Variants in RIMS1 observed in about 807,000 individuals in gnomAD.
RIMS1 encodes the protein regulating synaptic membrane exocytosis 1, also known as regulating synaptic membrane exocytosis protein 1.
RIMS1 carries 83 observed loss-of-function variants against 214.1 expected under a neutral mutation model. The ratio of observed to expected loss-of-function variants is 0.39; its 90% CI spans 0.32 to 0.47. The LOEUF (loss-of-function observed/expected upper bound fraction) is 0.47, where lower values mean the gene tolerates loss of function less well. RIMS1 is among the 20% of genes least tolerant of loss of function. The pLI, the probability that RIMS1 is intolerant of heterozygous loss-of-function variation, is 0.99. For missense variants in RIMS1, 2,050 were observed against 2,161.8 expected (o/e 0.95, Z 1.03); for synonymous variants, 793 against 786.8 (o/e 1.01, Z -0.13).
intron 2 of RIMS1, among the ~76,000 whole-genome samples, chr6:71,972,797 A>G (rs1327766388): frequency 1.3e-5 from 2 of 152,234 alleles, no homozygotes; most frequent in African/African-American, 4.8e-5. Flanking sequence ...CAAATAAATT[A>G]TAATACTGAA....
chr6:72,191,811 T>C (rs147729896), intron 6 of RIMS1, among the ~76,000 whole-genome samples: 91 of 152,330 alleles, frequency 6.0e-4, no homozygotes, highest in Middle Eastern at 3.4e-3. Context: ...TAATTCACTG[T>C]CGTTCTCCAA....
At chr6:72,356,225 C>T (rs1245452671) in intron 29 of RIMS1, among the ~76,000 whole-genome samples, 1 of 151,918 alleles carries the variant, frequency 6.6e-6, no homozygotes, top group Non-Finnish European at 1.5e-5. Context: ...TACTTTAACT[C>T]CAAATCACTA....
At chr6:72,156,165 A>C in intron 4 of RIMS1, 1 of 234,696 alleles carries the variant, frequency 4.3e-6, no homozygotes, top group Non-Finnish European at 9.1e-6. Context: ...AGATATCTGC[A>C]CTTCCATGTT....
chr6:72,014,097 T>C lies in RIMS1; in HGVS notation c.245+45034T>C, dbSNP rs567256331. Among the ~76,000 whole-genome samples the C allele has an allele frequency of 3.3e-5, 5 of 152,342 alleles. No individual in the cohort carries two copies. In the East Asian group the frequency reaches 9.6e-4, roughly 29 times the overall value. On this transcript the variant is annotated intron_variant, in intron 2 of 33. Transcript: ENST00000521978. ...ATAAAGCAAAGAGGTTTGATTGACT[T>C]ACAGTTCAGCATGGCTGGGGAGGCC...
chr6:72,175,735 C>A (rs2047618120), intron 4 of RIMS1, among the ~76,000 whole-genome samples: 1 of 151,732 alleles, frequency 6.6e-6, no homozygotes, highest in African/African-American at 2.4e-5. Context: ...GTAATATCAT[C>A]AAGAATAAAT....
At chr6:72,290,976 C>T (rs2093306623) in intron 25 of RIMS1, 115 bp downstream of exon 25, 1 of 892,938 alleles carries the variant, frequency 1.1e-6, no homozygotes, top group African/African-American at 1.7e-5. Flanking sequence ...AACTTTTAAT[C>T]CTTTCTTTGT....
chr6:72,123,734 C>G (rs999293330), intron 4 of RIMS1, among the ~76,000 whole-genome samples: 3 of 151,824 alleles, frequency 2.0e-5, no homozygotes, highest in African/African-American at 7.2e-5. Flanking sequence ...TAATGGCCTT[C>G]TTTGTCTCTT....
At chr6:72,256,053 C>A (rs2075704600) in intron 16 of RIMS1, among the ~76,000 whole-genome samples, 1 of 150,944 alleles carries the variant, frequency 6.6e-6, no homozygotes, top group Non-Finnish European at 1.5e-5. Context: ...AAAATTTAAT[C>A]CCAGTCATGG....
Position 72,182,614 on chromosome 6 carries a change from G to A in RIMS1, c.1143G>A (p.Val381=). The change falls in exon 6 of 34, where the codon GTG becomes GTA. Residue 381 remains valine (V), a synonymous_variant. Coordinates refer to ENST00000521978, the MANE Select transcript of RIMS1 (RefSeq NM_014989.7). ...EEQQMRMHAR[V]SRARHERRHS... is the part of the protein sequence containing the mutation. ...AGCAGATGCGCATGCACGCCCGGGT[G>A]TCCCGCGCCAGGCACGAGCGGCGCC... 2 of 1,546,994 alleles carry A rather than the reference G, an allele frequency of 1.3e-6. No homozygotes were observed. The highest frequency in any genetic ancestry group is 1.2e-5 in the South Asian group (1 of 83,876).
intron 2 of RIMS1, among the ~76,000 whole-genome samples, chr6:71,993,427 A>G (rs945332717): frequency 1.3e-5 from 2 of 152,218 alleles, no homozygotes; most frequent in Non-Finnish European, 2.9e-5. Context: ...CAGAAACATA[A>G]ACAGGAACAT....
chr6:72,139,679 A>G (rs1000489048), intron 4 of RIMS1, among the ~76,000 whole-genome samples: 48 of 152,154 alleles, frequency 3.2e-4, no homozygotes, highest in African/African-American at 1.1e-3. Context: ...GTATGAAGGG[A>G]AAGTTTCAGA....
intron 1 of RIMS1, among the ~76,000 whole-genome samples, chr6:71,967,318 A>T (rs563316047): frequency 2.0e-4 from 31 of 152,142 alleles, no homozygotes; most frequent in African/African-American, 7.5e-4. Context: ...AACCTGGGAG[A>T]TGGAGCTTGC....
intron 6 of RIMS1, chr6:72,213,362 A>G (rs1199042074): frequency 1.1e-5 from 8 of 745,276 alleles, no homozygotes; most frequent in African/African-American, 3.6e-5. Context: ...TCTTAATTGA[A>G]TAAAGTTTCC....
At chr6:72,369,862 C>T (rs530829863) in intron 29 of RIMS1, among the ~76,000 whole-genome samples, 2 of 152,292 alleles carry the variant, frequency 1.3e-5, no homozygotes, top group Admixed American at 1.3e-4. Flanking sequence ...TGATTTGCAA[C>T]TCATGAAAGC....
intron 4 of RIMS1, among the ~76,000 whole-genome samples, chr6:72,122,186 G>A (rs1165976897): frequency 2.7e-5 from 4 of 148,486 alleles, no homozygotes; most frequent in Admixed American, 1.4e-4. Context: ...AGTTAGGGAG[G>A]ATTCCCTCTT....
At chr6:72,041,778 A>G (rs1005001087) in intron 2 of RIMS1, among the ~76,000 whole-genome samples, 1 of 151,984 alleles carries the variant, frequency 6.6e-6, no homozygotes, top group Non-Finnish European at 1.5e-5. Context: ...TGCAGACACA[A>G]AACACATATC....
chr6:72,217,034 C>T, intron 6 of RIMS1: 2 of 1,436,068 alleles, frequency 1.4e-6, no homozygotes, highest in Non-Finnish European at 9.1e-7. Context: ...GCTTTTTTGG[C>T]TTTGATTTAG....
intron 29 of RIMS1, among the ~76,000 whole-genome samples, chr6:72,378,053 G>A (rs140353389): frequency 0.013 from 1,915 of 152,238 alleles, 29 homozygotes; most frequent in Non-Finnish European, 0.016. Flanking sequence ...TTGTTTCAAG[G>A]TACATTGAGT....
intron 29 of RIMS1, among the ~76,000 whole-genome samples, chr6:72,385,804 A>G (rs546602289): frequency 6.6e-6 from 1 of 152,222 alleles, no homozygotes; most frequent in Non-Finnish European, 1.5e-5. Flanking sequence ...TAATCCTCAC[A>G]TTCCAAATTA....
Sources: allele counts gnomAD v4.1 joint callset (sites outside exome capture counted in the v4.1 genomes callset), GRCh38; gene constraint gnomAD v4.1.1; transcripts MANE v1.5; gene names NCBI Gene and HGNC (gene_info 2026-07-23, HGNC 2026-07-21).